The following ANKS1B variants were observed in gnomAD, a reference collection of about 807,000 sequenced individuals.
ANKS1B encodes the protein ankyrin repeat and sterile alpha motif domain containing 1B, also known as ankyrin repeat and sterile alpha motif domain-containing protein 1B.
Under a neutral mutation model 148.3 loss-of-function variants are expected in ANKS1B, and 36 were observed. The ratio of observed to expected loss-of-function variants is 0.24; its 90% CI spans 0.19 to 0.32. ANKS1B has a LOEUF of 0.32. Among genes scored for constraint, ANKS1B ranks in the 10% least tolerant of loss-of-function variants. The probability of loss-of-function intolerance (pLI) is 1.00; values close to 1 mark genes in which losing one functional copy is unlikely to be tolerated. For synonymous variants in ANKS1B, 542 were observed against 560.8 expected (o/e 0.97, Z 0.47); for missense variants, 1,157 against 1,542.6 (o/e 0.75, Z 4.19).
chr12:98,932,457 C>A (rs1432006687), intron 17 of ANKS1B, among the ~76,000 whole-genome samples: 1 of 152,060 alleles, frequency 6.6e-6, no homozygotes, highest in East Asian at 1.9e-4. Context: ...TGGAAGGGAA[C>A]AAATCTGAGG....
chr12:99,885,371 G>A (rs2092768200), intron 1 of ANKS1B, among the ~76,000 whole-genome samples: 1 of 148,690 alleles, frequency 6.7e-6, no homozygotes, highest in South Asian at 2.1e-4. Context: ...CCCGATCTTG[G>A]CTCACTGCAA....
intron 9 of ANKS1B, among the ~76,000 whole-genome samples, chr12:99,611,803 A>C (rs1840783816): frequency 6.6e-6 from 1 of 152,118 alleles, no homozygotes; most frequent in South Asian, 2.1e-4. Context: ...TGGAGGAGCT[A>C]TGCGTCATAC....
At chr12:99,122,563 T>C (rs1440520741) in intron 15 of ANKS1B, among the ~76,000 whole-genome samples, 1 of 152,200 alleles carries the variant, frequency 6.6e-6, no homozygotes, top group East Asian at 1.9e-4. Flanking sequence ...TAACTTACTG[T>C]GTATGCAAGG....
intron 17 of ANKS1B, among the ~76,000 whole-genome samples, chr12:99,011,982 A>G (rs2099939707): frequency 6.6e-6 from 1 of 152,158 alleles, no homozygotes; most frequent in South Asian, 2.1e-4. Context: ...TGTATCACTG[A>G]TGTGGATGGA....
chr12:99,327,476 T>C (rs1177456401), intron 12 of ANKS1B, among the ~76,000 whole-genome samples: 2 of 138,244 alleles, frequency 1.4e-5, no homozygotes, highest in Non-Finnish European at 3.1e-5. Flanking sequence ...ATGTAAAATA[T>C]ATATATTATA....
rs571938317 is a variant in ANKS1B at position 99,222,617 on chromosome 12, A to AAAAC, written c.2419+21721_2419+21724dup. 9.0e-3 allele frequency among the ~76,000 whole-genome samples: 1,371 copies of AAAAC among 152,318 alleles called. 23 individuals carry two copies. The highest frequency in any genetic ancestry group is 0.03 in the African/African-American group (1,259 of 41,552). ...CATGACAGAGCGAGACCCTGTCTCA[A>AAAAC]AAACAAACAAACAAACAAACAAAAC... On this transcript the variant is annotated intron_variant, in intron 14 of 26. Coordinates refer to ENST00000683438, the MANE Select transcript of ANKS1B (RefSeq NM_001352186.2).
chr12:99,483,799 A>G (rs1264947850), intron 10 of ANKS1B, among the ~76,000 whole-genome samples: 1 of 152,046 alleles, frequency 6.6e-6, no homozygotes, highest in Admixed American at 6.6e-5. Context: ...AGGTGTTCAC[A>G]GTAGCATCCA....
At chr12:99,159,989 T>C (rs760825520) in intron 14 of ANKS1B, among the ~76,000 whole-genome samples, 8 of 152,194 alleles carry the variant, frequency 5.3e-5, no homozygotes, top group Non-Finnish European at 8.8e-5. Flanking sequence ...ACGTTAAGCA[T>C]TGTTTCGTAT....
chr12:99,751,695 T>C (rs1219373388), intron 8 of ANKS1B, among the ~76,000 whole-genome samples: 1 of 152,030 alleles, frequency 6.6e-6, no homozygotes, highest in Non-Finnish European at 1.5e-5. Flanking sequence ...AATATATAGA[T>C]AATGCCCTCA....
intron 10 of ANKS1B, among the ~76,000 whole-genome samples, chr12:99,484,380 A>T (rs1204936428): frequency 6.6e-6 from 1 of 151,878 alleles, no homozygotes; most frequent in Non-Finnish European, 1.5e-5. Context: ...TTCGATTTTT[A>T]AAAATTTATT....
At chr12:98,820,398 G>A (rs1047005475) in intron 19 of ANKS1B, among the ~76,000 whole-genome samples, 1 of 152,174 alleles carries the variant, frequency 6.6e-6, no homozygotes, top group Admixed American at 6.5e-5. Flanking sequence ...CCGATGATAC[G>A]CTATTGTTCC....
At chr12:99,922,618 G>C (rs1041312677) in intron 1 of ANKS1B, among the ~76,000 whole-genome samples, 4 of 152,064 alleles carry the variant, frequency 2.6e-5, no homozygotes, top group Admixed American at 6.6e-5. Context: ...ATCCTTAAGG[G>C]CTCAGGGTGA....
At chr12:98,908,960 T>C (rs2099783056) in intron 17 of ANKS1B, among the ~76,000 whole-genome samples, 1 of 152,196 alleles carries the variant, frequency 6.6e-6, no homozygotes, top group Non-Finnish European at 1.5e-5. Flanking sequence ...AACGCTTTTG[T>C]GTGTGATTAG....
intron 17 of ANKS1B, among the ~76,000 whole-genome samples, chr12:98,972,249 C>G (rs1395075061): frequency 2.0e-5 from 3 of 152,170 alleles, no homozygotes; most frequent in Non-Finnish European, 4.4e-5. Flanking sequence ...ATTGTTTTGA[C>G]AAGTGACAGG....
intron 15 of ANKS1B, among the ~76,000 whole-genome samples, chr12:99,152,723 G>A (rs1397233463): frequency 3.3e-5 from 5 of 152,016 alleles, no homozygotes; most frequent in Non-Finnish European, 2.9e-5. Context: ...TTTGGACAAG[G>A]GTTTCAGGGT....
chr12:98,846,058 C>A (rs556841596), intron 17 of ANKS1B, among the ~76,000 whole-genome samples: 43 of 148,932 alleles, frequency 2.9e-4, no homozygotes, highest in Non-Finnish European at 5.2e-4. Flanking sequence ...TTCTTTCCTG[C>A]CTAAGGGTGG....
At chr12:98,953,537 G>GCTTTTTTTTT (rs2099857241) in intron 17 of ANKS1B, among the ~76,000 whole-genome samples, 1 of 57,424 alleles carries the variant, frequency 1.7e-5, no homozygotes, top group African/African-American at 7.4e-5. Context: ...ATCTAGAGTG[G>GCTTTTTTTTT]TTTTTTTTTT....
intron 17 of ANKS1B, among the ~76,000 whole-genome samples, chr12:98,989,749 T>C (rs890116661): frequency 2.6e-5 from 4 of 152,122 alleles, no homozygotes; most frequent in Admixed American, 2.6e-4. Flanking sequence ...AAAAATTAGC[T>C]GGGTGCAATG....
intron 14 of ANKS1B, chr12:99,155,018 G>C: frequency 3.9e-6 from 6 of 1,535,222 alleles, no homozygotes; most frequent in Non-Finnish European, 5.2e-6. Context: ...AACAAATGCA[G>C]AAAATAGCAA....
Sources: gnomAD v4.1 joint callset for allele counts (sites outside exome capture counted in the v4.1 genomes callset) on GRCh38, gnomAD v4.1.1 for gene constraint, MANE v1.5 for transcripts, NCBI Gene and HGNC (gene_info 2026-07-23, HGNC 2026-07-21) for gene names.